GRIP1: variants seen among roughly 807,000 people sequenced by gnomAD.
The protein encoded by GRIP1 is glutamate receptor interacting protein 1.
Under a neutral mutation model 129.9 loss-of-function variants are expected in GRIP1, and 45 were observed. That is an observed-to-expected ratio of 0.35 (90% CI 0.27 to 0.44). The LOEUF is 0.44. Ranked by LOEUF, GRIP1 falls within the 20% of genes least tolerant of loss-of-function variation. GRIP1 has a pLI of 1.00. For synonymous variants in GRIP1, 530 were observed against 520.8 expected, an observed-to-expected ratio of 1.02 and a Z score of -0.24; for missense variants, 1,196 against 1,396.8, an observed-to-expected ratio of 0.86 and a Z score of 2.29.
chr12:66,420,415 G>GGTT (rs370474761), intron 15 of GRIP1, among the ~76,000 whole-genome samples: 2 of 127,906 alleles, frequency 1.6e-5, no homozygotes, highest in East Asian at 4.5e-4. Flanking sequence ...TACTTTCAGG[G>GGTT]TTTTTTTTTT....
chr12:66,652,701 G>A (rs531086587), intron 1 of GRIP1, among the ~76,000 whole-genome samples: 2 of 152,340 alleles, frequency 1.3e-5, no homozygotes, highest in East Asian at 1.9e-4. Flanking sequence ...TTTCCCTGCT[G>A]ATCTGAGTGG....
At chr12:66,419,968 G>A (rs2057746982) in intron 15 of GRIP1, among the ~76,000 whole-genome samples, 1 of 152,118 alleles carries the variant, frequency 6.6e-6, no homozygotes, top group Non-Finnish European at 1.5e-5. Flanking sequence ...ATGGCGGTGT[G>A]CACCTGTAAT....
rs1415435415 is a variant in GRIP1, at chr12:66,348,839, A to C, written c.*180T>G. On this transcript the variant is annotated 3_prime_UTR_variant, in exon 25 of 25. Coordinates refer to ENST00000359742, the MANE Select transcript of GRIP1 (RefSeq NM_001366722.1). Reference sequence around the variant, plus strand: ...TATACCATAGTGGTCACCAAAAAAGAAACCTCTTCAACTTGAAAAGGGAAG... The same window carrying C: ...TATACCATAGTGGTCACCAAAAAAGCAACCTCTTCAACTTGAAAAGGGAAG... 11 of 644,772 alleles carry C rather than the reference A, an allele frequency of 1.7e-5. No individual in the cohort carries two copies. The highest frequency in any genetic ancestry group is 2.8e-5 in the Non-Finnish European group (10 of 361,624). 39.9% of individuals were successfully genotyped at this position (644,772 alleles called of 1,614,324 possible).
chr12:66,606,381 C>T (rs1379576270), intron 1 of GRIP1, among the ~76,000 whole-genome samples: 1 of 152,140 alleles, frequency 6.6e-6, no homozygotes, highest in Non-Finnish European at 1.5e-5. Flanking sequence ...CATTAAACAG[C>T]AATCCCACTG....
chr12:66,761,751 G>A (rs551577287), intron 1 of GRIP1, among the ~76,000 whole-genome samples: 11 of 152,192 alleles, frequency 7.2e-5, no homozygotes, highest in Non-Finnish European at 8.8e-5. Flanking sequence ...AGGACTTATG[G>A]TGTTAATAAG....
intron 1 of GRIP1, among the ~76,000 whole-genome samples, chr12:66,744,481 T>C (rs2036884879): frequency 6.6e-6 from 1 of 152,204 alleles, no homozygotes; most frequent in Non-Finnish European, 1.5e-5. Context: ...GCTAGATTCC[T>C]GCTGCCTGGT....
chr12:66,838,591 G>A (rs959227410), intron 1 of GRIP1, among the ~76,000 whole-genome samples: 1 of 152,194 alleles, frequency 6.6e-6, no homozygotes. Flanking sequence ...AGAATCTGAT[G>A]AGGAATGTTT....
intron 1 of GRIP1, among the ~76,000 whole-genome samples, chr12:66,699,314 C>T (rs1188438493): frequency 1.3e-5 from 2 of 152,176 alleles, no homozygotes; most frequent in African/African-American, 4.8e-5. Context: ...TCAGAAACAA[C>T]AGAGAGTGAT....
intron 1 of GRIP1, among the ~76,000 whole-genome samples, chr12:66,773,832 TTTTC>T (rs1247895560): frequency 1.3e-5 from 2 of 152,196 alleles, no homozygotes; most frequent in African/African-American, 4.8e-5. Context: ...TTGGCATGTC[TTTTC>T]TTTATCAAAG....
intron 1 of GRIP1, among the ~76,000 whole-genome samples, chr12:66,631,992 G>A (rs1349797746): frequency 6.6e-6 from 1 of 152,176 alleles, no homozygotes; most frequent in Non-Finnish European, 1.5e-5. Flanking sequence ...TGAGAATACT[G>A]AGAGGATCTC....
chr12:66,613,936 A>G (rs1351996334), intron 1 of GRIP1, among the ~76,000 whole-genome samples: 1 of 152,216 alleles, frequency 6.6e-6, no homozygotes, highest in Non-Finnish European at 1.5e-5. Context: ...ACACATCAGC[A>G]TTAATGCTAT....
At chr12:66,930,055 CTTTTT>C (rs202119349) in intron 1 of GRIP1, among the ~76,000 whole-genome samples, 1 of 128,772 alleles carries the variant, frequency 7.8e-6, no homozygotes, top group Non-Finnish European at 1.6e-5. Flanking sequence ...CTCTCTCTCT[CTTTTT>C]TTTTTTTTTT....
chr12:66,838,940 T>C (rs1435957287), intron 1 of GRIP1, among the ~76,000 whole-genome samples: 4 of 151,964 alleles, frequency 2.6e-5, no homozygotes. Context: ...CAAGTCAGAG[T>C]AGGGGCAGAA....
chr12:66,526,810 A>C (rs1235977128), intron 5 of GRIP1, among the ~76,000 whole-genome samples: 1 of 151,996 alleles, frequency 6.6e-6, no homozygotes, highest in Non-Finnish European at 1.5e-5. Flanking sequence ...CAGAATCTAC[A>C]ATGAACTCAA....
chr12:66,503,144 G>C (rs1489618611), intron 7 of GRIP1, among the ~76,000 whole-genome samples: 1 of 152,120 alleles, frequency 6.6e-6, no homozygotes, highest in African/African-American at 2.4e-5. Context: ...GCAGACACCA[G>C]GGAGAGGCAA....
intron 19 of GRIP1, among the ~76,000 whole-genome samples, chr12:66,391,281 T>A (rs2056575591): frequency 6.6e-6 from 1 of 152,202 alleles, no homozygotes; most frequent in African/African-American, 2.4e-5. Context: ...AGGCTGGAAT[T>A]TACATAGAAC....
intron 1 of GRIP1, among the ~76,000 whole-genome samples, chr12:66,813,877 G>C (rs1281350103): frequency 6.6e-6 from 1 of 152,142 alleles, no homozygotes; most frequent in African/African-American, 2.4e-5. Flanking sequence ...GAAGTGACAT[G>C]ATCTACATTT....
chr12:66,504,849 T>C (rs1340463123), intron 7 of GRIP1, among the ~76,000 whole-genome samples: 1 of 152,186 alleles, frequency 6.6e-6, no homozygotes, highest in Admixed American at 6.5e-5. Flanking sequence ...TTGAAAAATA[T>C]TATTGAGAGT....
chr12:66,770,417 C>A (rs1039955860), intron 1 of GRIP1, among the ~76,000 whole-genome samples: 2 of 152,046 alleles, frequency 1.3e-5, no homozygotes, highest in African/African-American at 4.8e-5. Context: ...TTGGTCAAGA[C>A]CAAGATTATT....
Sources: gnomAD v4.1 joint callset for allele counts (sites outside exome capture counted in the v4.1 genomes callset) on GRCh38, gnomAD v4.1.1 for gene constraint, MANE v1.5 for transcripts, NCBI Gene and HGNC (gene_info 2026-07-23, HGNC 2026-07-21) for gene names.